The following CACNG2 variants were observed in gnomAD, a reference collection of about 807,000 sequenced individuals.
CACNG2 encodes the protein calcium voltage-gated channel auxiliary subunit gamma 2.
A neutral mutation model predicts 25.9 loss-of-function variants in CACNG2; 3 were observed. The ratio of observed to expected loss-of-function variants is 0.12; its 90% CI spans 0.05 to 0.30. CACNG2 has a LOEUF of 0.30. CACNG2 is among the 10% of genes least tolerant of loss of function. The pLI, the probability that CACNG2 is intolerant of heterozygous loss-of-function variation, is 1.00. For synonymous variants in CACNG2, 167 were observed against 173.3 expected (o/e 0.96, Z 0.29); for missense variants, 341 against 432.5 (o/e 0.79, Z 1.88).
intron 1 of CACNG2, among the ~76,000 whole-genome samples, chr22:36,615,183 A>G (rs1164415682): frequency 6.6e-6 from 1 of 152,256 alleles, no homozygotes; most frequent in Non-Finnish European, 1.5e-5. Flanking sequence ...TGTCCACTAC[A>G]GCCTATAAGG....
intron 1 of CACNG2, among the ~76,000 whole-genome samples, chr22:36,656,692 T>G (rs1189785570): frequency 6.6e-6 from 1 of 152,202 alleles, no homozygotes; most frequent in African/African-American, 2.4e-5. Context: ...TCCAGGGGCC[T>G]TGGCCTCCTT....
chr22:36,571,096 T>C (rs1234660960), intron 2 of CACNG2, among the ~76,000 whole-genome samples: 1 of 152,072 alleles, frequency 6.6e-6, no homozygotes, highest in Non-Finnish European at 1.5e-5. Context: ...ATTTAGCTTA[T>C]AGGAATGTTG....
chr22:36,599,037 G>T (rs1351214110), intron 1 of CACNG2, among the ~76,000 whole-genome samples: 4 of 152,202 alleles, frequency 2.6e-5, no homozygotes, highest in African/African-American at 9.6e-5. Flanking sequence ...CAGCAATTCT[G>T]CTTAGAAATG....
At chr22:36,612,705 C>T (rs887382759) in intron 1 of CACNG2, among the ~76,000 whole-genome samples, 1 of 152,234 alleles carries the variant, frequency 6.6e-6, no homozygotes, top group South Asian at 2.1e-4. Flanking sequence ...GTGCTTCCCA[C>T]GCTCCTCAAT....
At chr22:36,655,439 G>T (rs1268638382) in intron 1 of CACNG2, among the ~76,000 whole-genome samples, 1 of 152,244 alleles carries the variant, frequency 6.6e-6, no homozygotes, top group Non-Finnish European at 1.5e-5. Flanking sequence ...TTCTATTTTA[G>T]TACTTACCAC....
chr22:36,584,232 A>C (rs1935464481), intron 2 of CACNG2, among the ~76,000 whole-genome samples: 3 of 152,112 alleles, frequency 2.0e-5, no homozygotes, highest in African/African-American at 7.2e-5. Context: ...CAGGCGGATC[A>C]CCTGAGGCCA....
chr22:36,688,311 G>A (rs927923879), intron 1 of CACNG2, among the ~76,000 whole-genome samples: 3 of 152,052 alleles, frequency 2.0e-5, no homozygotes, highest in South Asian at 2.1e-4. Flanking sequence ...TTGGGAGATG[G>A]AGGTGAGAGG....
At chr22:36,673,678 G>A (rs1005305117) in intron 1 of CACNG2, among the ~76,000 whole-genome samples, 1 of 152,106 alleles carries the variant, frequency 6.6e-6, no homozygotes, top group Non-Finnish European at 1.5e-5. Flanking sequence ...GCTGCTGAGA[G>A]CCAGAGCAGA....
At chr22:36,681,561 C>G (rs1184837149) in intron 1 of CACNG2, among the ~76,000 whole-genome samples, 15 of 152,004 alleles carry the variant, frequency 9.9e-5, no homozygotes, top group Admixed American at 9.8e-4. Context: ...GGGGCAGCCA[C>G]TTTTATTCCA....
intron 1 of CACNG2, among the ~76,000 whole-genome samples, chr22:36,667,444 T>A (rs1342656070): frequency 6.6e-6 from 1 of 152,182 alleles, no homozygotes; most frequent in Non-Finnish European, 1.5e-5. Flanking sequence ...GGGCCATGCC[T>A]TGCACTTTCT....
At chr22:36,626,475 C>A (rs1161637895) in intron 1 of CACNG2, among the ~76,000 whole-genome samples, 1 of 152,158 alleles carries the variant, frequency 6.6e-6, no homozygotes, top group African/African-American at 2.4e-5. Context: ...TCCTCTTCCT[C>A]CTTCTTCCCG....
intron 1 of CACNG2, among the ~76,000 whole-genome samples, chr22:36,587,977 A>G (rs1398529976): frequency 6.6e-6 from 1 of 152,188 alleles, no homozygotes. Flanking sequence ...CACACCCCGC[A>G]CTGGTGCTGC....
Position 36,581,789 on chromosome 22 carries a change from C to T in CACNG2, c.295+5676G>A, listed in dbSNP as rs909781002. ...TTAAATATCACCTACGTGCCAACAA[C>T]GTGAAAACTCACTATCTCTGGCCAG... On this transcript the variant is annotated intron_variant, in intron 2 of 3. Transcript: ENST00000300105. Among the ~76,000 whole-genome samples the T allele has an allele frequency of 3.3e-5, 5 of 152,286 alleles. No homozygotes were observed. In the East Asian group the frequency reaches 5.8e-4, roughly 18 times the overall value.
At position 36,645,536 on chromosome 22, in the gene CACNG2, C is replaced by CAAAAA. The variant is rs200600420; in HGVS notation, c.211+56825_211+56829dup. On this transcript the variant is annotated intron_variant, in intron 1 of 3. Transcript: ENST00000300105. ...TGGGCGACAGAGCAAGACTCTGTCT[C>CAAAAA]AAAAAAAAAAAAAAAAAAAAAAAAA... Among the ~76,000 whole-genome samples, 179 of 134,788 alleles carry CAAAAA rather than the reference C, an allele frequency of 1.3e-3. 1 individual carries two copies. The highest frequency in any genetic ancestry group is 1.8e-3 in the African/African-American group (64 of 36,316). 88.4% of individuals were successfully genotyped at this position (134,788 alleles called of 152,430 possible).
intron 1 of CACNG2, among the ~76,000 whole-genome samples, chr22:36,633,546 C>T (rs749274447): frequency 6.6e-6 from 1 of 152,216 alleles, no homozygotes; most frequent in Non-Finnish European, 1.5e-5. Flanking sequence ...CACCACACTC[C>T]TGGATGTCCT....
intron 1 of CACNG2, among the ~76,000 whole-genome samples, chr22:36,589,759 G>T (rs1037839551): frequency 3.9e-5 from 6 of 151,962 alleles, no homozygotes; most frequent in African/African-American, 1.5e-4. Context: ...CTGCCCTCCT[G>T]CATCTTGGGG....
chr22:36,652,615 A>G (rs115274579), intron 1 of CACNG2, among the ~76,000 whole-genome samples: 53 of 152,228 alleles, frequency 3.5e-4, no homozygotes, highest in African/African-American at 1.2e-3. Flanking sequence ...TTATCATAGT[A>G]GGGACTATAT....
intron 1 of CACNG2, among the ~76,000 whole-genome samples, chr22:36,665,730 C>T (rs538448228): frequency 1.3e-5 from 2 of 152,258 alleles, no homozygotes; most frequent in East Asian, 1.9e-4. Context: ...ACAACAACAA[C>T]AAAAAACAAG....
At chr22:36,679,197 C>CCTTT (rs1241104277) in intron 1 of CACNG2, among the ~76,000 whole-genome samples, 2,337 of 54,262 alleles carry the variant, frequency 0.043, 66 homozygotes, top group Non-Finnish European at 0.057. Flanking sequence ...TTCCTTCCTT[C>CCTTT]CTTTCTTTCT....
Sources: allele counts gnomAD v4.1 joint callset (sites outside exome capture counted in the v4.1 genomes callset), GRCh38; gene constraint gnomAD v4.1.1; transcripts MANE v1.5; gene names NCBI Gene and HGNC (gene_info 2026-07-23, HGNC 2026-07-21).